The following KATNBL1 variants were observed in gnomAD, a reference collection of about 807,000 sequenced individuals.
The protein encoded by KATNBL1 is katanin regulatory subunit B1 like 1, also known as KATNB1-like protein 1.
Under a neutral mutation model 44.7 loss-of-function variants are expected in KATNBL1, and 28 were observed. That is an observed-to-expected ratio of 0.63 (90% CI 0.46 to 0.86). The LOEUF is 0.86. KATNBL1 is among the 40% of genes least tolerant of loss of function. The pLI, the probability that KATNBL1 is intolerant of heterozygous loss-of-function variation, is 0.00. For synonymous variants in KATNBL1, 78 were observed against 114.9 expected, an observed-to-expected ratio of 0.68 and a Z score of 2.06; for missense variants, 272 against 350.7, an observed-to-expected ratio of 0.78 and a Z score of 1.79.
chr15:34,158,941 T>G (rs920534991), intron 2 of KATNBL1, among the ~76,000 whole-genome samples: 1 of 152,224 alleles, frequency 6.6e-6, no homozygotes, highest in Non-Finnish European at 1.5e-5. Flanking sequence ...ACACTCATGC[T>G]CAGGTCTCTT....
intron 1 of KATNBL1, among the ~76,000 whole-genome samples, chr15:34,180,350 AACTCT>A (rs1889481244): frequency 6.6e-6 from 1 of 152,076 alleles, no homozygotes; most frequent in African/African-American, 2.4e-5. Context: ...CAGCCAAGCC[AACTCT>A]AAAGACATTG....
At chr15:34,142,480 C>G in intron 9 of KATNBL1, 109 bp from the exon 10 acceptor site, 1 of 1,240,134 alleles carries the variant, frequency 8.1e-7, no homozygotes, top group East Asian at 2.6e-5. Context: ...CTTTTGTGAC[C>G]TTTTGAGGGT....
At chr15:34,147,492 T>G (rs962567745) in intron 5 of KATNBL1, 62 bp from the exon 6 acceptor site, 14 of 1,316,930 alleles carry the variant, frequency 1.1e-5, no homozygotes, top group Non-Finnish European at 1.3e-5. Flanking sequence ...ACTTTCATAT[T>G]ATGATTATTC....
intron 9 of KATNBL1, among the ~76,000 whole-genome samples, chr15:34,143,714 C>T (rs966114851): frequency 1.3e-5 from 2 of 149,034 alleles, no homozygotes; most frequent in African/African-American, 2.5e-5. Context: ...CTTTGGGAGG[C>T]CAAGGCAGGT....
chr15:34,169,599 A>G (rs1020656104), intron 1 of KATNBL1, among the ~76,000 whole-genome samples: 13 of 152,214 alleles, frequency 8.5e-5, no homozygotes, highest in Admixed American at 6.5e-5. Flanking sequence ...TGAGGCCAGC[A>G]TCATCCTGAT....
intron 1 of KATNBL1, among the ~76,000 whole-genome samples, chr15:34,207,079 A>T (rs1464312999): frequency 4.8e-5 from 7 of 146,758 alleles, no homozygotes; most frequent in Non-Finnish European, 8.9e-5. Flanking sequence ...TTGCTTTGTC[A>T]CCCAGGCTGG....
chr15:34,195,948 T>A (rs1427938756), intron 1 of KATNBL1, among the ~76,000 whole-genome samples: 1 of 152,156 alleles, frequency 6.6e-6, no homozygotes, highest in Admixed American at 6.5e-5. Context: ...ACTTGCTATA[T>A]GAGAAATCAA....
chr15:34,152,722 C>T (rs1888518386), intron 4 of KATNBL1, 68 bp downstream of exon 4: 3 of 1,325,418 alleles, frequency 2.3e-6, no homozygotes, highest in African/African-American at 1.5e-5. Flanking sequence ...TGGAATATGG[C>T]AAAGAAAAAA....
chr15:34,181,727 C>CAT lies in KATNBL1; in HGVS notation c.-14-18039_-14-18038dup, dbSNP rs769367483. On this transcript the variant is annotated intron_variant, in intron 1 of 9. Coordinates refer to ENST00000256544, the MANE Select transcript of KATNBL1 (RefSeq NM_024713.3). The stretch of plus-strand genomic sequence containing the variant: ...CCATATATATGGACATATATATGTC[C>CAT]ATATATACACATATATATGTCCATA... Among the ~76,000 whole-genome samples the CAT allele has an allele frequency of 3.7e-5, 3 of 81,436 alleles. 1 individual carries two copies. Among genetic ancestry groups the CAT allele is most frequent in the Middle Eastern group, 0.018 (2 of 110 alleles). 53.4% of individuals were successfully genotyped at this position (81,436 alleles called of 152,430 possible). A position where few individuals can be genotyped will look rare whatever the true frequency, so the allele number is the denominator to read the frequency against.
intron 1 of KATNBL1, among the ~76,000 whole-genome samples, chr15:34,207,037 CTTTTTT>C (rs10713100): frequency 7.1e-6 from 1 of 140,138 alleles, no homozygotes; most frequent in African/African-American, 2.6e-5. Context: ...CTAGACAATA[CTTTTTT>C]TTTTTTTTTT....
At chr15:34,186,084 G>A (rs866874648) in intron 1 of KATNBL1, among the ~76,000 whole-genome samples, 1 of 152,150 alleles carries the variant, frequency 6.6e-6, no homozygotes, top group Non-Finnish European at 1.5e-5. Flanking sequence ...GGCCATTTCA[G>A]TACCCTCCTT....
In KATNBL1 at chr15:34,171,094, T is replaced by A. The variant is rs564990309; in HGVS notation, c.-14-7404A>T. On this transcript the variant is annotated intron_variant, in intron 1 of 9. Transcript: ENST00000256544. ...GCCAAAATAGACAAATGGGATCTAA[T>A]TAAACTAAAGAGCTTCTGCACAGCA... 6.2e-4 allele frequency among the ~76,000 whole-genome samples: 95 copies of A among 152,202 alleles called. 2 individuals are homozygous for A. The highest frequency in any genetic ancestry group is 1.9e-3 in the African/African-American group (79 of 41,522).
chr15:34,158,212 C>T (rs545607886), intron 2 of KATNBL1, among the ~76,000 whole-genome samples: 15 of 152,322 alleles, frequency 9.8e-5, no homozygotes, highest in African/African-American at 3.6e-4. Flanking sequence ...AGGACTGCAT[C>T]ACACATAGCT....
At chr15:34,189,365 A>G (rs1175403002) in intron 1 of KATNBL1, among the ~76,000 whole-genome samples, 1 of 152,206 alleles carries the variant, frequency 6.6e-6, no homozygotes, top group Non-Finnish European at 1.5e-5. Flanking sequence ...AGTATAATCC[A>G]AAGAAAGTTA....
At chr15:34,165,527 T>C (rs963643771) in intron 1 of KATNBL1, among the ~76,000 whole-genome samples, 13 of 152,194 alleles carry the variant, frequency 8.5e-5, no homozygotes, top group Admixed American at 8.5e-4. Context: ...TCAGGTGTGG[T>C]GGCTCATGCC....
intron 1 of KATNBL1, among the ~76,000 whole-genome samples, chr15:34,189,334 T>C (rs78213274): frequency 0.02 from 3,078 of 152,318 alleles, 41 homozygotes; most frequent in Non-Finnish European, 0.029. Flanking sequence ...CTGGAACACA[T>C]ATTAATACCA....
intron 9 of KATNBL1, among the ~76,000 whole-genome samples, chr15:34,144,717 C>T (rs761892036): frequency 2.6e-5 from 4 of 151,906 alleles, no homozygotes; most frequent in African/African-American, 4.8e-5. Context: ...ATTACAGGCA[C>T]GTGCCATCAC....
chr15:34,192,525 TAC>T (rs1311766821), intron 1 of KATNBL1, among the ~76,000 whole-genome samples: 1 of 152,148 alleles, frequency 6.6e-6, no homozygotes, highest in Non-Finnish European at 1.5e-5. Flanking sequence ...TCTGCAATGA[TAC>T]AGAGAAAATG....
At chr15:34,143,162 A>G (rs1888199952) in intron 9 of KATNBL1, 1 of 476,862 alleles carries the variant, frequency 2.1e-6, no homozygotes, top group African/African-American at 2.2e-5. Flanking sequence ...TATTCACAAT[A>G]AAGCTTTTCC....
Sources: gnomAD v4.1 joint callset for allele counts (sites outside exome capture counted in the v4.1 genomes callset) on GRCh38, gnomAD v4.1.1 for gene constraint, MANE v1.5 for transcripts, NCBI Gene and HGNC (gene_info 2026-07-23, HGNC 2026-07-21) for gene names.